Variants in APOL3 observed in about 807,000 individuals in gnomAD.
APOL3 encodes the protein apolipoprotein L3.
A neutral mutation model predicts 11.6 loss-of-function variants in APOL3; 14 were observed. The observed-to-expected ratio is 1.21, with a 90% confidence interval of 0.80 to 1.89. The LOEUF is 1.89. Ranked by LOEUF, APOL3 falls within the 40% of genes most tolerant of loss-of-function variation. The pLI is 0.00. For synonymous variants in APOL3, 192 were observed against 190.6 expected, an observed-to-expected ratio of 1.01 and a Z score of -0.06; for missense variants, 483 against 492.1, an observed-to-expected ratio of 0.98 and a Z score of 0.17.
exon 3 of APOL3, chr22:36,141,981 T>C (rs2060014923): frequency 6.2e-7 from 1 of 1,614,114 alleles, no homozygotes; most frequent in South Asian, 1.1e-5. Flanking sequence ...CTCATCTTTC[T>C]GCTGCACATA....
exon 1 of APOL3, chr22:36,160,831 A>G (rs1569530052): frequency 6.2e-7 from 1 of 1,611,286 alleles, no homozygotes; most frequent in Non-Finnish European, 8.5e-7. Context: ...ACTTGGCAGC[A>G]GCTCCTGATC....
chr22:36,142,003 T>C, exon 3 of APOL3: 2 of 1,614,170 alleles, frequency 1.2e-6, no homozygotes, highest in Non-Finnish European at 1.7e-6. Context: ...TCGTCCTCAA[T>C]AGCTGCATAT....
upstream of APOL3, chr22:36,165,451 C>G (rs2013835479): frequency 6.6e-6 from 1 of 152,108 alleles, no homozygotes; most frequent in African/African-American, 2.4e-5. Context: ...AAATTACAGA[C>G]AGGGCCAACA....
chr22:36,157,959 A>G (rs1206083901), intron 1 of APOL3, among the ~76,000 whole-genome samples: 1 of 152,200 alleles, frequency 6.6e-6, no homozygotes, highest in Non-Finnish European at 1.5e-5. Context: ...CTGAGACAGG[A>G]GAATTGCTTG....
At chr22:36,157,188 G>C (rs984498453) in intron 1 of APOL3, among the ~76,000 whole-genome samples, 32 of 152,130 alleles carry the variant, frequency 2.1e-4, no homozygotes, top group African/African-American at 7.7e-4. Flanking sequence ...CTGAATCATA[G>C]CCATGGTTTC....
At chr22:36,145,009 C>CAA (rs1312228074) in intron 2 of APOL3, among the ~76,000 whole-genome samples, 35 of 37,912 alleles carry the variant, frequency 9.2e-4, no homozygotes, top group Admixed American at 9.8e-4. Context: ...GACTCTGTCT[C>CAA]AAAAAAAAAA....
chr22:36,141,995 G>A (rs1018256911), exon 3 of APOL3: 28 of 1,613,976 alleles, frequency 1.7e-5, no homozygotes, highest in African/African-American at 4.0e-5. Flanking sequence ...GCACATATTC[G>A]TCCTCAATAG....
At chr22:36,158,314 G>A (rs1436369688) in intron 1 of APOL3, among the ~76,000 whole-genome samples, 11 of 152,226 alleles carry the variant, frequency 7.2e-5, no homozygotes, top group South Asian at 4.1e-4. Flanking sequence ...CTGGAGGATC[G>A]TCAGCGATAC....
chr22:36,154,827 C>G (rs1674750604), intron 1 of APOL3, among the ~76,000 whole-genome samples: 1 of 152,208 alleles, frequency 6.6e-6, no homozygotes, highest in Non-Finnish European at 1.5e-5. Context: ...ACCAAGTCAA[C>G]TCTAACCTCT....
intron 1 of APOL3, among the ~76,000 whole-genome samples, chr22:36,153,634 A>G (rs766556377): frequency 1.3e-5 from 2 of 152,208 alleles, no homozygotes; most frequent in Non-Finnish European, 2.9e-5. Context: ...GAAAGCAAGG[A>G]CGCTTCCAAA....
intron 1 of APOL3, 134 bp from the exon 3 acceptor site, chr22:36,145,733 C>T (rs976869271): frequency 1.9e-6 from 2 of 1,075,644 alleles, no homozygotes; most frequent in African/African-American, 3.2e-5. Context: ...GGCATCAGTG[C>T]TATAGACTGA....
intron 1 of APOL3, among the ~76,000 whole-genome samples, chr22:36,154,092 A>G (rs2012306227): frequency 6.6e-6 from 1 of 152,200 alleles, no homozygotes; most frequent in Non-Finnish European, 1.5e-5. Flanking sequence ...ACAGAGAAAC[A>G]GGCTGTAAAA....
exon 1 of APOL3, chr22:36,166,057 G>A (rs1052960586): frequency 6.6e-6 from 1 of 152,162 alleles, no homozygotes; most frequent in African/African-American, 2.4e-5. Context: ...GGCACAGGTG[G>A]AAGTCTCCTA....
chr22:36,141,077 A>G, exon 3 of APOL3: 1 of 1,441,984 alleles, frequency 6.9e-7, no homozygotes, highest in Non-Finnish European at 9.3e-7. Flanking sequence ...CAGAAATGCC[A>G]AAGTCACTAA....
upstream of APOL3, among the ~76,000 whole-genome samples, chr22:36,162,492 A>G (rs573751126): frequency 2.0e-5 from 3 of 152,296 alleles, no homozygotes; most frequent in South Asian, 4.1e-4. Context: ...TTAGTTATAT[A>G]ACCATAAACT....
At chr22:36,158,049 C>CATAA (rs58569199) in intron 1 of APOL3, among the ~76,000 whole-genome samples, 2,816 of 151,660 alleles carry the variant, frequency 0.019, 84 homozygotes, top group African/African-American at 0.057. Context: ...GACTCCATCT[C>CATAA]ATAAATAAAT....
intron 1 of APOL3, among the ~76,000 whole-genome samples, chr22:36,159,880 C>CTTT (rs1203226199): frequency 1.4e-5 from 2 of 145,942 alleles, no homozygotes; most frequent in African/African-American, 5.0e-5. Context: ...CTCTCTCTCT[C>CTTT]TTTTTTTTTT....
chr22:36,147,260 A>G (rs913152833), intron 1 of APOL3, among the ~76,000 whole-genome samples: 1 of 152,134 alleles, frequency 6.6e-6, no homozygotes, highest in Admixed American at 6.6e-5. Context: ...GCGCTCTCAG[A>G]TGGGCAGTGG....
At chr22:36,141,403 C>T in exon 3 of APOL3, 1 of 1,614,202 alleles carries the variant, frequency 6.2e-7, no homozygotes, top group Non-Finnish European at 8.5e-7. Flanking sequence ...ATCCGGGCTC[C>T]TCTGCTCACT....
Sources: allele counts gnomAD v4.1 joint callset (sites outside exome capture counted in the v4.1 genomes callset), GRCh38; gene constraint gnomAD v4.1.1; transcripts MANE v1.5; gene names NCBI Gene and HGNC (gene_info 2026-07-23, HGNC 2026-07-21).